C1QTNF3: variants seen among roughly 807,000 people sequenced by gnomAD.
C1QTNF3 encodes the protein complement C1q tumor necrosis factor-related protein 3.
In C1QTNF3, 26 loss-of-function variants were observed where a neutral mutation model predicts 32.6. That is an observed-to-expected ratio of 0.80 (90% confidence interval 0.58 to 1.11). C1QTNF3 has a LOEUF of 1.11. Ranked by LOEUF, C1QTNF3 falls within the 50% of genes least tolerant of loss-of-function variation. The pLI, the probability that C1QTNF3 is intolerant of heterozygous loss-of-function variation, is 0.00. For missense variants in C1QTNF3, 362 were observed against 398.2 expected, an observed-to-expected ratio of 0.91 and a Z score of 0.77; for synonymous variants, 155 against 146.0, an observed-to-expected ratio of 1.06 and a Z score of -0.44.
the C1QTNF3 span, among the ~76,000 whole-genome samples, chr5:34,175,170 A>C: frequency 6.6e-6 from 1 of 151,694 alleles, no homozygotes; most frequent in Non-Finnish European, 1.5e-5. Context: ...CAGCCTCCCA[A>C]GCAGCTAGGA....
At chr5:34,087,957 G>A in the C1QTNF3 span, among the ~76,000 whole-genome samples, 6 of 152,018 alleles carry the variant, frequency 3.9e-5, no homozygotes, top group South Asian at 2.1e-4. Context: ...TAAATTATCC[G>A]CATATATTTG....
intron 4 of C1QTNF3, 195 bp from the exon 5 acceptor site, chr5:34,024,203 C>T: frequency 1.9e-6 from 1 of 535,640 alleles, no homozygotes; most frequent in Non-Finnish European, 3.4e-6. Context: ...AATGTGTACA[C>T]TGTGTATCCC....
At chr5:34,114,306 T>C in the C1QTNF3 span, among the ~76,000 whole-genome samples, 1 of 152,114 alleles carries the variant, frequency 6.6e-6, no homozygotes, top group African/African-American at 2.4e-5. Flanking sequence ...GTCAAATAAG[T>C]AGCCTCAAGA....
the C1QTNF3 span, among the ~76,000 whole-genome samples, chr5:34,066,314 G>A: frequency 6.6e-6 from 1 of 152,266 alleles, no homozygotes; most frequent in African/African-American, 2.4e-5. Flanking sequence ...CCTGGTTGGG[G>A]GAGGGAGCCC....
At chr5:34,228,186 G>A in the C1QTNF3 span, among the ~76,000 whole-genome samples, 2,045 of 151,986 alleles carry the variant, frequency 0.013, 54 homozygotes, top group African/African-American at 0.047. Flanking sequence ...CGTCAAACTT[G>A]CATGGTCTAA....
At chr5:34,210,482 A>C in the C1QTNF3 span, among the ~76,000 whole-genome samples, 1 of 151,514 alleles carries the variant, frequency 6.6e-6, no homozygotes, top group Admixed American at 6.6e-5. Flanking sequence ...TAAAAATCGT[A>C]GTCTTTCAGT....
At chr5:34,154,989 C>G in the C1QTNF3 span, among the ~76,000 whole-genome samples, 1 of 152,154 alleles carries the variant, frequency 6.6e-6, no homozygotes, top group Non-Finnish European at 1.5e-5. Context: ...TAACACATTG[C>G]TATGGTCACA....
At chr5:34,204,197 C>T in the C1QTNF3 span, among the ~76,000 whole-genome samples, 2 of 152,030 alleles carry the variant, frequency 1.3e-5, no homozygotes, top group Non-Finnish European at 2.9e-5. Flanking sequence ...AAAATTCTAC[C>T]CAGCAACTAC....
At chr5:34,218,777 T>C in the C1QTNF3 span, among the ~76,000 whole-genome samples, 2 of 152,140 alleles carry the variant, frequency 1.3e-5, no homozygotes, top group Admixed American at 1.3e-4. Context: ...GTGACCTTCA[T>C]GTCCCATCTG....
chr5:34,141,835 G>A, the C1QTNF3 span, among the ~76,000 whole-genome samples: 14 of 152,118 alleles, frequency 9.2e-5, no homozygotes, highest in African/African-American at 2.7e-4. Context: ...CTTTCCTGGT[G>A]GCCTGAGAGC....
the C1QTNF3 span, among the ~76,000 whole-genome samples, chr5:34,210,968 G>A: frequency 3.3e-5 from 5 of 151,756 alleles, no homozygotes; most frequent in African/African-American, 9.7e-5. Context: ...ATATGATTTG[G>A]ATTAAAATAA....
At chr5:34,119,492 T>C in the C1QTNF3 span, among the ~76,000 whole-genome samples, 1 of 152,182 alleles carries the variant, frequency 6.6e-6, no homozygotes, top group Non-Finnish European at 1.5e-5. Flanking sequence ...AACAACTGTA[T>C]TGTTTTCTAT....
the C1QTNF3 span, chr5:34,158,673 G>A: frequency 6.6e-6 from 1 of 151,916 alleles, no homozygotes; most frequent in Non-Finnish European, 1.5e-5. Flanking sequence ...GATTTCATAT[G>A]TGGAAATTCA....
At chr5:34,066,020 T>C in the C1QTNF3 span, among the ~76,000 whole-genome samples, 1 of 152,296 alleles carries the variant, frequency 6.6e-6, no homozygotes, top group African/African-American at 2.4e-5. Context: ...ATGAAATACA[T>C]ACAAAGTTGT....
the C1QTNF3 span, among the ~76,000 whole-genome samples, chr5:34,073,565 T>A: frequency 6.6e-6 from 1 of 152,048 alleles, no homozygotes; most frequent in African/African-American, 2.4e-5. Context: ...CAACACACAT[T>A]CCCCAGACTA....
At chr5:34,175,619 G>C in the C1QTNF3 span, 1 of 485,018 alleles carries the variant, frequency 2.1e-6, no homozygotes, top group Non-Finnish European at 3.8e-6. Context: ...TTGACCGTAT[G>C]TGGGAAGCGG....
At chr5:34,170,618 GTTAATAAAGTGCTCTTTAATAT>G in the C1QTNF3 span, among the ~76,000 whole-genome samples, 1 of 152,036 alleles carries the variant, frequency 6.6e-6, no homozygotes, top group Non-Finnish European at 1.5e-5. Flanking sequence ...TCAAATAGCT[GTTAATAAAGTGCTCTTTAATAT>G]CACTGAAAGT....
At chr5:34,063,943 T>G in the C1QTNF3 span, among the ~76,000 whole-genome samples, 2 of 152,168 alleles carry the variant, frequency 1.3e-5, no homozygotes, top group African/African-American at 4.8e-5. Context: ...TGGGCGACTG[T>G]TAAGTAGAGA....
At chr5:34,034,097 G>T (rs1234444250) in intron 2 of C1QTNF3, among the ~76,000 whole-genome samples, 1 of 152,196 alleles carries the variant, frequency 6.6e-6, no homozygotes, top group Admixed American at 6.5e-5. Flanking sequence ...AGCCTAAGAG[G>T]CCAAGGCTAC....
Sources: gnomAD v4.1 joint callset for allele counts (sites outside exome capture counted in the v4.1 genomes callset) on GRCh38, gnomAD v4.1.1 for gene constraint, MANE v1.5 for transcripts, NCBI Gene and HGNC (gene_info 2026-07-23, HGNC 2026-07-21) for gene names.